Variants in ZNF385B observed in about 807,000 individuals in gnomAD.
ZNF385B encodes zinc finger protein 533.
In ZNF385B, 23 loss-of-function variants were observed where a neutral mutation model predicts 39.2. That is an observed-to-expected ratio of 0.59 (90% CI 0.42 to 0.83). The LOEUF is 0.83. Ranked by LOEUF, ZNF385B falls within the 40% of genes least tolerant of loss-of-function variation. The pLI is 0.00. For synonymous variants in ZNF385B, 205 were observed against 222.6 expected (o/e 0.92, Z 0.70); for missense variants, 552 against 598.9 (o/e 0.92, Z 0.82).
At chr2:179,720,938 T>TG (rs1340388362) in intron 3 of ZNF385B, among the ~76,000 whole-genome samples, 13 of 145,866 alleles carry the variant, frequency 8.9e-5, no homozygotes, top group African/African-American at 2.5e-4. Flanking sequence ...TTTTTTTTTT[T>TG]TTTTTTTTTT....
At chr2:179,550,743 T>G (rs1266344266) in intron 3 of ZNF385B, among the ~76,000 whole-genome samples, 1 of 149,498 alleles carries the variant, frequency 6.7e-6, no homozygotes, top group Non-Finnish European at 1.5e-5. Flanking sequence ...TGCATTTTTT[T>G]GAACAAGTTA....
At chr2:179,726,630 G>A (rs1385702092) in intron 3 of ZNF385B, among the ~76,000 whole-genome samples, 2 of 152,138 alleles carry the variant, frequency 1.3e-5, no homozygotes, top group Non-Finnish European at 2.9e-5. Flanking sequence ...ACCCTTGAGT[G>A]CTCCTGTTCT....
chr2:179,755,617 T>C (rs1406415088), intron 3 of ZNF385B, among the ~76,000 whole-genome samples: 1 of 152,214 alleles, frequency 6.6e-6, no homozygotes, highest in African/African-American at 2.4e-5. Flanking sequence ...TGGGTGCTCC[T>C]GTATTGGGTG....
chr2:179,747,769 C>G (rs944086377), intron 3 of ZNF385B, among the ~76,000 whole-genome samples: 1 of 152,046 alleles, frequency 6.6e-6, no homozygotes, highest in Admixed American at 6.6e-5. Context: ...TAATACTCTA[C>G]GTATGCCAGG....
At chr2:179,856,624 C>CAAAAAA (rs11308289) in intron 1 of ZNF385B, among the ~76,000 whole-genome samples, 2 of 108,342 alleles carry the variant, frequency 1.8e-5, no homozygotes, top group Non-Finnish European at 2.0e-5. Flanking sequence ...ACAGCAGAGA[C>CAAAAAA]AAAAAAAAAA....
At chr2:179,596,087 T>C (rs1351901340) in intron 3 of ZNF385B, among the ~76,000 whole-genome samples, 3 of 152,340 alleles carry the variant, frequency 2.0e-5, no homozygotes, top group Non-Finnish European at 2.9e-5. Context: ...AGGTTTCTAT[T>C]GCTGCATAAC....
chr2:179,663,642 G>A (rs563683018), intron 3 of ZNF385B, among the ~76,000 whole-genome samples: 4 of 146,918 alleles, frequency 2.7e-5, no homozygotes, highest in African/African-American at 7.7e-5. Context: ...CTCGGGAGGC[G>A]GAGCTTGCAG....
chr2:179,624,411 C>T (rs568197780), intron 3 of ZNF385B, among the ~76,000 whole-genome samples: 1 of 152,238 alleles, frequency 6.6e-6, no homozygotes, highest in South Asian at 2.1e-4. Context: ...TCACAAATAC[C>T]TAACCATTTT....
chr2:179,846,898 G>A (rs1708827222), intron 1 of ZNF385B, among the ~76,000 whole-genome samples: 1 of 152,218 alleles, frequency 6.6e-6, no homozygotes, highest in Non-Finnish European at 1.5e-5. Flanking sequence ...CCATACAGCT[G>A]TGCCATTTGA....
intron 3 of ZNF385B, among the ~76,000 whole-genome samples, chr2:179,706,842 G>A (rs1048056167): frequency 7.2e-5 from 11 of 152,186 alleles, no homozygotes; most frequent in African/African-American, 2.7e-4. Flanking sequence ...AGCTCAGGCT[G>A]AAACATCAGA....
chr2:179,646,399 C>T (rs1013382162), intron 3 of ZNF385B, among the ~76,000 whole-genome samples: 8 of 152,298 alleles, frequency 5.3e-5, no homozygotes, highest in Admixed American at 1.3e-4. Context: ...ATGACAAGAA[C>T]GAGACTACGT....
intron 3 of ZNF385B, among the ~76,000 whole-genome samples, chr2:179,713,857 C>T (rs1016243544): frequency 1.1e-4 from 16 of 152,206 alleles, no homozygotes; most frequent in African/African-American, 3.1e-4. Flanking sequence ...GGTCCACTCA[C>T]AGTGTAAGAA....
intron 1 of ZNF385B, among the ~76,000 whole-genome samples, chr2:179,792,774 T>G (rs973960909): frequency 1.3e-5 from 2 of 152,176 alleles, no homozygotes; most frequent in African/African-American, 4.8e-5. Context: ...TTATGCTTCC[T>G]GTACATTTTC....
intron 3 of ZNF385B, among the ~76,000 whole-genome samples, chr2:179,663,761 A>G (rs910996527): frequency 6.7e-6 from 1 of 149,850 alleles, no homozygotes; most frequent in Admixed American, 6.7e-5. Flanking sequence ...ATCTCTCATT[A>G]TCATTTAAAA....
intron 3 of ZNF385B, among the ~76,000 whole-genome samples, chr2:179,595,805 C>T (rs1174074126): frequency 6.7e-6 from 1 of 150,340 alleles, no homozygotes; most frequent in Non-Finnish European, 1.5e-5. Flanking sequence ...CGCACCATTG[C>T]GCTCCGCACT....
At chr2:179,652,712 T>C (rs1344687443) in intron 3 of ZNF385B, among the ~76,000 whole-genome samples, 1 of 152,142 alleles carries the variant, frequency 6.6e-6, no homozygotes, top group Non-Finnish European at 1.5e-5. Flanking sequence ...AATTTCTACA[T>C]ATACTAACCA....
intron 3 of ZNF385B, among the ~76,000 whole-genome samples, chr2:179,765,613 A>G (rs1703642710): frequency 6.6e-6 from 1 of 152,192 alleles, no homozygotes; most frequent in Non-Finnish European, 1.5e-5. Flanking sequence ...AACAGAAAAG[A>G]CTATGTCCCT....
intron 3 of ZNF385B, among the ~76,000 whole-genome samples, chr2:179,713,729 G>C (rs892137091): frequency 3.9e-5 from 6 of 152,180 alleles, no homozygotes; most frequent in Admixed American, 3.9e-4. Flanking sequence ...ATGATTGACT[G>C]AATAAATGCA....
chr2:179,808,384 G>A lies in ZNF385B; in HGVS notation c.-154-37712C>T, dbSNP rs536385051. On this transcript the variant is annotated intron_variant, in intron 1 of 9. Transcript: ENST00000410066. Reference sequence around the variant, plus strand: ...AAAGTAAAGTGCACACTCAAGAATGGAGATGGTACACACTAAATTCAAAGC... The same window carrying A: ...AAAGTAAAGTGCACACTCAAGAATGAAGATGGTACACACTAAATTCAAAGC... Among the ~76,000 whole-genome samples, 4 of 152,286 alleles carry A rather than the reference G, an allele frequency of 2.6e-5. No individual in the cohort carries two copies. In the South Asian group the frequency reaches 8.3e-4, roughly 32 times the overall value.
Sources: allele counts gnomAD v4.1 joint callset (sites outside exome capture counted in the v4.1 genomes callset), GRCh38; gene constraint gnomAD v4.1.1; transcripts MANE v1.5; gene names NCBI Gene and HGNC (gene_info 2026-07-23, HGNC 2026-07-21).